CAST: variants seen among roughly 807,000 people sequenced by gnomAD.
The protein encoded by CAST is calpastatin.
In CAST, 76 loss-of-function variants were observed where a neutral mutation model predicts 119.6. That is an observed-to-expected ratio of 0.64 (90% CI 0.53 to 0.77). The LOEUF (loss-of-function observed/expected upper bound fraction) is 0.77. Ranked by LOEUF, CAST falls within the 30% of genes least tolerant of loss-of-function variation. CAST has a pLI of 0.00. For missense variants in CAST, 953 were observed against 946.5 expected (o/e 1.01, Z -0.09); for synonymous variants, 319 against 331.6 (o/e 0.96, Z 0.41).
rs1015274259 is a variant in CAST at position 96,765,119 on chromosome 5, A to G, written c.1933-102A>G. The stretch of plus-strand genomic sequence containing the variant: ...CCAGCCCCAGATGTCTTTTTCTTCC[A>G]AGGAAACAGGTTCCCTCCTGAAAAG... On this transcript the variant is annotated intron_variant, in intron 25 of 31. Transcript: ENST00000675179. 8 of 716,488 alleles carry G rather than the reference A, an allele frequency of 1.1e-5. No individual in the cohort carries two copies. In the African/African-American group the frequency reaches 1.3e-4, roughly 11 times the overall value. The allele number at this position is 716,488 out of a possible 1,614,324, so 44.4% of individuals were successfully genotyped here.
At chr5:96,220,206 GTC>G in the CAST span, among the ~76,000 whole-genome samples, 1 of 152,306 alleles carries the variant, frequency 6.6e-6, no homozygotes, top group Admixed American at 6.5e-5. Context: ...TATAAGAGGA[GTC>G]TCTACTCTCT....
At position 96,534,716 on chromosome 5, in the gene CAST, A is replaced by AAGGAAGGAAGGAAGGAAGAAAGGAAG. The variant is rs1230508746; in HGVS notation, c.60+4836_60+4837insAGGAAGGAAGGAAGGAAGAAAGGAAG. Among the ~76,000 whole-genome samples the AAGGAAGGAAGGAAGGAAGAAAGGAAG allele has an allele frequency of 5.2e-4, 18 of 34,766 alleles. 2 individuals carry two copies. The highest frequency in any genetic ancestry group is 1.6e-3 in the South Asian group (1 of 624). The allele number at this position is 34,766 out of a possible 152,430, so 22.8% of individuals were successfully genotyped here. On this transcript the variant is annotated intron_variant, in intron 1 of 11. Coordinates refer to the CAST transcript ENST00000505143. The stretch of plus-strand genomic sequence containing the variant: ...GAAGGAAGGAAGGAAGGAAGGAAGG[A>AAGGAAGGAAGGAAGGAAGAAAGGAAG]GAGAGAGAGAGAGAGAGAGAGAGAG...
At chr5:96,242,547 G>C in the CAST span, among the ~76,000 whole-genome samples, 1 of 152,234 alleles carries the variant, frequency 6.6e-6, no homozygotes, top group East Asian at 1.9e-4. Context: ...CCAATTAAGA[G>C]ACTATGTACT....
At chr5:96,682,800 A>C (rs1024425367) in intron 2 of CAST, among the ~76,000 whole-genome samples, 1 of 152,112 alleles carries the variant, frequency 6.6e-6, no homozygotes. Context: ...GTGGACTTTC[A>C]TTCATTACAG....
At chr5:96,374,307 C>G in the CAST span, among the ~76,000 whole-genome samples, 1 of 152,144 alleles carries the variant, frequency 6.6e-6, no homozygotes, top group African/African-American at 2.4e-5. Flanking sequence ...CATTTAGGAC[C>G]ACATAATAGA....
chr5:96,555,730 G>A (rs1274178112), intron 1 of CAST, among the ~76,000 whole-genome samples: 1 of 152,240 alleles, frequency 6.6e-6, no homozygotes, highest in Non-Finnish European at 1.5e-5. Context: ...CGGCCAGGAA[G>A]CTCAAACTGG....
chr5:96,733,988 G>A (rs2150473894), intron 9 of CAST, among the ~76,000 whole-genome samples: 1 of 152,324 alleles, frequency 6.6e-6, no homozygotes, highest in East Asian at 1.9e-4. Context: ...ACCTGGGGCT[G>A]TATTTCAATC....
the CAST span, among the ~76,000 whole-genome samples, chr5:96,204,761 G>A: frequency 2.8e-3 from 432 of 151,870 alleles, 1 homozygote; most frequent in African/African-American, 0.01. Flanking sequence ...TATATTTTCA[G>A]TTCAGGCTTC....
intron 25 of CAST, chr5:96,762,920 AT>A (rs1768508681): frequency 2.0e-6 from 1 of 503,122 alleles, no homozygotes; most frequent in South Asian, 2.3e-5. Context: ...TGTTTTAATT[AT>A]TTACATGCTG....
the CAST span, among the ~76,000 whole-genome samples, chr5:96,019,215 C>CTAATA: frequency 5.3e-5 from 8 of 152,174 alleles, no homozygotes; most frequent in Admixed American, 2.6e-4. Context: ...CAGTTACCCA[C>CTAATA]AATCCCAAGA....
chr5:96,181,657 C>G, the CAST span, among the ~76,000 whole-genome samples: 3 of 152,214 alleles, frequency 2.0e-5, no homozygotes, highest in South Asian at 6.2e-4. Context: ...TTAACTTTTG[C>G]TTCTGTGTTT....
chr5:96,098,477 T>A, the CAST span, among the ~76,000 whole-genome samples: 1 of 152,226 alleles, frequency 6.6e-6, no homozygotes, highest in Non-Finnish European at 1.5e-5. Context: ...AAGTCTTTAA[T>A]CCATCTTGAG....
chr5:96,141,310 A>G, the CAST span, among the ~76,000 whole-genome samples: 4 of 152,168 alleles, frequency 2.6e-5, no homozygotes, highest in Admixed American at 2.0e-4. Context: ...TTCTCTTGAG[A>G]AGGTTAGCGA....
intron 1 of CAST, among the ~76,000 whole-genome samples, chr5:96,532,747 G>T (rs1223802635): frequency 1.3e-5 from 2 of 152,180 alleles, no homozygotes; most frequent in Non-Finnish European, 2.9e-5. Context: ...CTACTTGGGT[G>T]GCTGAAGCAG....
the CAST span, among the ~76,000 whole-genome samples, chr5:96,519,632 T>G: frequency 0.55 from 84,064 of 151,994 alleles, 24,007 homozygotes; most frequent in Middle Eastern, 0.63. Context: ...TTCAAGATGG[T>G]GTCTCACTCT....
At chr5:96,716,416 C>A (rs1561513490) in intron 3 of CAST, among the ~76,000 whole-genome samples, 1 of 152,166 alleles carries the variant, frequency 6.6e-6, no homozygotes, top group Non-Finnish European at 1.5e-5. Context: ...AAAACTCAGA[C>A]AATATTGGTT....
the CAST span, chr5:96,393,344 G>A: frequency 2.5e-6 from 4 of 1,614,084 alleles, no homozygotes; most frequent in African/African-American, 5.3e-5. Flanking sequence ...GGACACCAGG[G>A]TGTTCTCCTT....
the CAST span, among the ~76,000 whole-genome samples, chr5:96,177,660 G>A: frequency 7.2e-5 from 11 of 152,072 alleles, no homozygotes; most frequent in East Asian, 1.9e-4. Flanking sequence ...TTATAAAACC[G>A]GTTTTTCTTT....
the CAST span, among the ~76,000 whole-genome samples, chr5:96,240,092 TC>T: frequency 2.0e-5 from 3 of 152,230 alleles, no homozygotes; most frequent in African/African-American, 7.2e-5. Flanking sequence ...GCTTTGTTTT[TC>T]CATCTTGAAT....
Sources: gnomAD v4.1 joint callset for allele counts (sites outside exome capture counted in the v4.1 genomes callset) on GRCh38, gnomAD v4.1.1 for gene constraint, MANE v1.5 for transcripts, NCBI Gene and HGNC (gene_info 2026-07-23, HGNC 2026-07-21) for gene names.